JARID2: variants seen among roughly 807,000 people sequenced by gnomAD.
The protein encoded by JARID2 is jumonji and AT-rich interaction domain containing 2.
Under a neutral mutation model 125.6 loss-of-function variants are expected in JARID2, and 21 were observed. The observed-to-expected ratio is 0.17, with a 90% confidence interval of 0.12 to 0.24. JARID2 has a LOEUF of 0.24. Among genes scored for constraint, JARID2 ranks in the 10% least tolerant of loss-of-function variants. JARID2 has a pLI of 1.00. For missense variants in JARID2, 1,303 were observed against 1,639.6 expected (o/e 0.79, Z 3.55); for synonymous variants, 736 against 661.6 (o/e 1.11, Z -1.73).
At chr6:15,304,951 A>T (rs1761768443) in intron 1 of JARID2, among the ~76,000 whole-genome samples, 1 of 151,816 alleles carries the variant, frequency 6.6e-6, no homozygotes, top group South Asian at 2.1e-4. Flanking sequence ...CTTTCAGCTG[A>T]CTGCTTTTTA....
intron 3 of JARID2, among the ~76,000 whole-genome samples, chr6:15,443,807 A>G (rs1353795012): frequency 6.6e-6 from 1 of 152,168 alleles, no homozygotes; most frequent in Admixed American, 6.5e-5. Flanking sequence ...CACCTAAGAA[A>G]AAAAGACCCA....
At chr6:15,316,767 G>T (rs1161308116) in intron 1 of JARID2, among the ~76,000 whole-genome samples, 1 of 152,146 alleles carries the variant, frequency 6.6e-6, no homozygotes, top group Middle Eastern at 3.2e-3. Flanking sequence ...CCTCCTGAGT[G>T]CTGGGATTAC....
In JARID2 at chr6:15,399,630, G is replaced by A. The variant is rs1765349231; in HGVS notation, c.182-10594G>A. ...GCCATTGTGGAGAGAATACCCGCTA[G>A]CCTGGGTGACTTCACTCCTGAGCAA... On this transcript the variant is annotated intron_variant, in intron 2 of 17. Transcript: ENST00000341776. 2.0e-5 allele frequency among the ~76,000 whole-genome samples: 3 copies of A among 152,184 alleles called. No homozygotes were observed. The South Asian group carries it at 6.2e-4, about 32-fold the overall frequency.
chr6:15,406,118 T>C (rs1176564457), intron 2 of JARID2, among the ~76,000 whole-genome samples: 1 of 152,190 alleles, frequency 6.6e-6, no homozygotes, highest in East Asian at 1.9e-4. Flanking sequence ...AAGTCAGTCT[T>C]GCGCCTTCGT....
At chr6:15,497,192 G>A (rs780194283) in intron 7 of JARID2, 22 bp downstream of exon 7, 1 of 1,480,106 alleles carries the variant, frequency 6.8e-7, no homozygotes, top group South Asian at 1.3e-5. Flanking sequence ...CGGGGGGTCA[G>A]GGGGTGGTGC....
In JARID2 at chr6:15,468,681, G is replaced by A. The variant is rs892778607; in HGVS notation, c.633G>A (p.Arg211=). ...NASSSCQSTP[R]KGKTHKHVHN... ...CATCTTCATGCCAGTCGACCCCCAGGAAAGGAAAAACCCACAAACATGTTC... is the reference window on the plus strand; with the variant it reads ...CATCTTCATGCCAGTCGACCCCCAGAAAAGGAAAAACCCACAAACATGTTC... Residue 211 remains arginine, a synonymous_variant, in exon 5 of 18, where the codon AGG becomes AGA. Coordinates refer to ENST00000341776, the MANE Select transcript of JARID2 (RefSeq NM_004973.4). 4 of 1,613,746 alleles carry A rather than the reference G, an allele frequency of 2.5e-6. No homozygotes were observed. The highest frequency in any genetic ancestry group is 3.4e-6 in the Non-Finnish European group (4 of 1,179,846).
chr6:15,456,148 A>G (rs543422592), intron 4 of JARID2, among the ~76,000 whole-genome samples: 2 of 152,212 alleles, frequency 1.3e-5, no homozygotes, highest in African/African-American at 2.4e-5. Flanking sequence ...TTTGTGCTAC[A>G]TGTACTTGTG....
intron 3 of JARID2, among the ~76,000 whole-genome samples, chr6:15,415,240 C>T (rs184590652): frequency 1.5e-3 from 235 of 152,352 alleles, no homozygotes; most frequent in Non-Finnish European, 2.5e-3. Context: ...GGCAACCATC[C>T]GATCTCTCAA....
intron 2 of JARID2, among the ~76,000 whole-genome samples, chr6:15,392,193 T>C (rs1765045260): frequency 1.3e-5 from 2 of 152,110 alleles, no homozygotes; most frequent in Admixed American, 6.5e-5. Context: ...CACGTTAAGG[T>C]GGCCTAAAAC....
intron 1 of JARID2, among the ~76,000 whole-genome samples, chr6:15,292,816 G>A (rs1480474137): frequency 6.6e-6 from 1 of 152,106 alleles, no homozygotes; most frequent in East Asian, 1.9e-4. Context: ...ATTGGTGTGC[G>A]CCACCATTCC....
At chr6:15,447,792 T>C (rs2127631879) in intron 3 of JARID2, among the ~76,000 whole-genome samples, 1 of 152,344 alleles carries the variant, frequency 6.6e-6, no homozygotes, top group South Asian at 2.1e-4. Flanking sequence ...GCCTCACCTT[T>C]CTCCTCGTGC....
At chr6:15,397,005 A>G (rs1401176557) in intron 2 of JARID2, among the ~76,000 whole-genome samples, 1 of 152,204 alleles carries the variant, frequency 6.6e-6, no homozygotes, top group Non-Finnish European at 1.5e-5. Context: ...CATGCATTAC[A>G]AAGTTCAGCA....
chr6:15,291,646 A>T (rs1761219465), intron 1 of JARID2, among the ~76,000 whole-genome samples: 1 of 152,226 alleles, frequency 6.6e-6, no homozygotes. Flanking sequence ...CTTCCAGCCC[A>T]GTAGTGGTGG....
chr6:15,416,539 C>A (rs1299761787), intron 3 of JARID2, among the ~76,000 whole-genome samples: 6 of 152,120 alleles, frequency 3.9e-5, no homozygotes, highest in Admixed American at 1.3e-4. Context: ...AATACGAAAA[C>A]CAGTCAGGCG....
At position 15,511,391 on chromosome 6, in the gene JARID2, G is replaced by A. The variant is rs758053761; in HGVS notation, c.2942G>A (p.Ser981Asn). Residue 981 changes from serine (S) to asparagine (N), a missense_variant, in exon 13 of 18, where the codon AGC becomes AAC. By Grantham distance (46) the Ser-to-Asn change is conservative (BLOSUM62 1). Around this residue, in one of 11 missense-constraint regions of JARID2, gnomAD observed 190 missense variants for 341.4 expected, o/e 0.56. Transcript: ENST00000341776. The stretch of plus-strand genomic sequence containing the variant: ...ACCCCAGGGCTGCAGATGCTGGAAA[G>A]CAACGTCATGGTGCGTCCACTCAGC... ...NGTPGLQMLESNVMISPEVLC... is the reference protein window; with the variant it reads ...NGTPGLQMLENNVMISPEVLC... 6.2e-7 allele frequency: 1 copy of A among 1,611,970 alleles called. No homozygotes were observed. Among genetic ancestry groups the A allele is most frequent in the East Asian group, 2.2e-5 (1 of 44,878 alleles).
At chr6:15,340,680 C>A (rs753255943) in intron 1 of JARID2, among the ~76,000 whole-genome samples, 1 of 152,164 alleles carries the variant, frequency 6.6e-6, no homozygotes, top group African/African-American at 2.4e-5. Flanking sequence ...CCATTTATAG[C>A]CATGATGGTA....
At chr6:15,451,756 C>T (rs985458383) in intron 3 of JARID2, among the ~76,000 whole-genome samples, 1 of 152,118 alleles carries the variant, frequency 6.6e-6, no homozygotes, top group Non-Finnish European at 1.5e-5. Context: ...TTTCTACACA[C>T]ATGTATACAC....
chr6:15,461,283 G>A (rs959454591), intron 4 of JARID2, among the ~76,000 whole-genome samples: 1 of 152,194 alleles, frequency 6.6e-6, no homozygotes, highest in African/African-American at 2.4e-5. Context: ...GGGAGGGAAG[G>A]TGGTATGATA....
intron 1 of JARID2, among the ~76,000 whole-genome samples, chr6:15,349,147 T>C (rs1001567766): frequency 3.9e-5 from 6 of 152,222 alleles, no homozygotes; most frequent in African/African-American, 7.2e-5. Context: ...GTGGATCCCA[T>C]CTATGAAGTC....
Sources: gnomAD v4.1 joint callset for allele counts (sites outside exome capture counted in the v4.1 genomes callset) on GRCh38, gnomAD v4.1.1 for gene constraint, gnomAD v4.1.1 regional missense constraint, MANE v1.5 for transcripts, NCBI Gene and HGNC (gene_info 2026-07-23, HGNC 2026-07-21) for gene names.